Variants in KIAA0319L observed in about 807,000 individuals in gnomAD.
The protein encoded by KIAA0319L is KIAA0319 like, also known as dyslexia-associated protein KIAA0319-like protein.
KIAA0319L carries 55 observed loss-of-function variants against 120.1 expected under a neutral mutation model. The observed-to-expected ratio is 0.46, with a 90% confidence interval of 0.37 to 0.57. KIAA0319L has a LOEUF of 0.57. KIAA0319L is among the 20% of genes least tolerant of loss of function. The pLI is 0.00. For synonymous variants in KIAA0319L, 398 were observed against 471.9 expected (o/e 0.84, Z 2.03); for missense variants, 1,049 against 1,255.3 (o/e 0.84, Z 2.48).
chr1:35,554,312 T>TAA (rs745403032), intron 2 of KIAA0319L, 38 bp downstream of exon 2: 28 of 1,175,020 alleles, frequency 2.4e-5, no homozygotes, highest in South Asian at 1.1e-4. Flanking sequence ...TGCCCTTTTC[T>TAA]AAAAAAAAAA....
In KIAA0319L at chr1:35,450,428, G is replaced by C; in HGVS notation, c.2144C>G (p.Ser715Cys). 6.2e-7 allele frequency: 1 copy of C among 1,614,124 alleles called. No homozygotes were observed. The highest frequency in any genetic ancestry group is 1.1e-5 in the South Asian group (1 of 91,082). The change falls in exon 14 of 21, where the codon TCT (serine) becomes TGT (cysteine). Residue 715 changes from serine to cysteine, a missense_variant. Ser to Cys is a moderately radical substitution (Grantham distance 112). Transcript: ENST00000325722. ...LPTSTAELDG[S>C]KSSDDKGIVS... Reference sequence around the variant, plus strand: ...TATTCCCTTGTCATCTGAGGACTTAGAGCCATCCAGCTCTGCTGTGCTCGT... The same window carrying C: ...TATTCCCTTGTCATCTGAGGACTTACAGCCATCCAGCTCTGCTGTGCTCGT...
At chr1:35,446,916 C>T (rs562490159) in intron 16 of KIAA0319L, among the ~76,000 whole-genome samples, 5 of 152,236 alleles carry the variant, frequency 3.3e-5, no homozygotes, top group East Asian at 3.9e-4. Flanking sequence ...CATCTCCTGA[C>T]GCAGCCAGTA....
rs1052906180 is a variant in KIAA0319L at position 35,434,812 on chromosome 1, A to G, written c.*82T>C. On this transcript the variant is annotated 3_prime_UTR_variant, in exon 21 of 21. Transcript: ENST00000325722. Reference sequence around the variant, plus strand: ...CGAAATGACCAGCAGATGCTGGGACAGCAGCTGCCCGCAGACTCGGGAGGT... The same window carrying G: ...CGAAATGACCAGCAGATGCTGGGACGGCAGCTGCCCGCAGACTCGGGAGGT... 4 of 1,265,572 alleles carry G rather than the reference A, an allele frequency of 3.2e-6. No homozygotes were observed. Among genetic ancestry groups the G allele is most frequent in the Non-Finnish European group, 4.4e-6 (4 of 907,006 alleles). 78.4% of individuals were successfully genotyped at this position (1,265,572 alleles called of 1,614,324 possible). A position where few individuals can be genotyped will look rare whatever the true frequency, so the allele number is the denominator to read the frequency against.
At chr1:35,484,804 A>ATT (rs1446424002) in intron 3 of KIAA0319L, among the ~76,000 whole-genome samples, 160 of 43,616 alleles carry the variant, frequency 3.7e-3, no homozygotes, top group Non-Finnish European at 5.2e-3. Flanking sequence ...ATATATATAT[A>ATT]TATTTTTTTT....
At chr1:35,513,284 ATATATTTTT>A (rs1350479697) in intron 2 of KIAA0319L, among the ~76,000 whole-genome samples, 11 of 103,218 alleles carry the variant, frequency 1.1e-4, no homozygotes, top group African/African-American at 1.6e-4. Flanking sequence ...ATATATATAT[ATATATTTTT>A]TTTTTTTTTT....
intron 2 of KIAA0319L, among the ~76,000 whole-genome samples, chr1:35,530,487 T>C (rs2148466841): frequency 6.6e-6 from 1 of 152,322 alleles, no homozygotes; most frequent in Middle Eastern, 3.4e-3. Flanking sequence ...TCCTAAATTG[T>C]TTTTCTGATT....
intron 11 of KIAA0319L, 147 bp downstream of exon 11, chr1:35,454,215 G>A (rs1249221135): frequency 1.4e-6 from 1 of 728,754 alleles, no homozygotes; most frequent in East Asian, 2.5e-5. Flanking sequence ...AAAGCACAAG[G>A]GGAAGGAACA....
chr1:35,545,317 G>A (rs1248444201), intron 2 of KIAA0319L, among the ~76,000 whole-genome samples: 2 of 152,060 alleles, frequency 1.3e-5, no homozygotes, highest in African/African-American at 4.8e-5. Flanking sequence ...ACACCAGAAA[G>A]GCCTCACCTT....
At chr1:35,497,472 G>A (rs1644853553) in intron 3 of KIAA0319L, among the ~76,000 whole-genome samples, 1 of 152,096 alleles carries the variant, frequency 6.6e-6, no homozygotes, top group Non-Finnish European at 1.5e-5. Context: ...GGGTGAGAGG[G>A]ACAGATTACA....
intron 2 of KIAA0319L, among the ~76,000 whole-genome samples, chr1:35,518,066 T>C (rs1196344827): frequency 6.6e-6 from 1 of 152,124 alleles, no homozygotes; most frequent in Non-Finnish European, 1.5e-5. Flanking sequence ...AGCCAAAAAA[T>C]AACAGATGCT....
At chr1:35,503,643 C>T (rs1645091154) in intron 3 of KIAA0319L, among the ~76,000 whole-genome samples, 1 of 152,046 alleles carries the variant, frequency 6.6e-6, no homozygotes, top group African/African-American at 2.4e-5. Flanking sequence ...TTTTTTAGTA[C>T]AATGGTTCTC....
chr1:35,489,110 G>T (rs775474600), intron 3 of KIAA0319L, among the ~76,000 whole-genome samples: 3 of 152,090 alleles, frequency 2.0e-5, no homozygotes, highest in Admixed American at 1.3e-4. Context: ...GAGCATCTGG[G>T]TCCAAACTTG....
At chr1:35,500,038 C>G (rs1644948489) in intron 3 of KIAA0319L, among the ~76,000 whole-genome samples, 1 of 152,102 alleles carries the variant, frequency 6.6e-6, no homozygotes, top group African/African-American at 2.4e-5. Flanking sequence ...TTTATTTGTT[C>G]CACAGAAAGC....
intron 20 of KIAA0319L, chr1:35,435,511 T>C (rs1210937631): frequency 5.9e-6 from 1 of 168,390 alleles, no homozygotes; most frequent in African/African-American, 2.4e-5. Context: ...GCAAGGCCGC[T>C]GAGTGCTGGC....
At chr1:35,487,529 A>G (rs1314290638) in intron 3 of KIAA0319L, among the ~76,000 whole-genome samples, 1 of 152,196 alleles carries the variant, frequency 6.6e-6, no homozygotes, top group Admixed American at 6.5e-5. Flanking sequence ...TGCTGGCGTA[A>G]GGCACCACGC....
intron 17 of KIAA0319L, among the ~76,000 whole-genome samples, chr1:35,443,529 G>A (rs1207923833): frequency 6.6e-6 from 1 of 152,026 alleles, no homozygotes; most frequent in Non-Finnish European, 1.5e-5. Context: ...AAAATCAGCT[G>A]GGCGTGGTGG....
intron 20 of KIAA0319L, chr1:35,440,224 T>G (rs1641100516): frequency 6.6e-6 from 1 of 152,250 alleles, no homozygotes; most frequent in Non-Finnish European, 1.5e-5. Flanking sequence ...TGTTCTCTTC[T>G]GCTACTGTGT....
At chr1:35,526,958 G>T (rs1008968270) in intron 2 of KIAA0319L, among the ~76,000 whole-genome samples, 2 of 152,158 alleles carry the variant, frequency 1.3e-5, no homozygotes, top group African/African-American at 4.8e-5. Context: ...TGCACCTATA[G>T]TCCCAGCTAC....
At chr1:35,442,173 T>C in intron 19 of KIAA0319L, 73 bp downstream of exon 19, 2 of 1,151,754 alleles carry the variant, frequency 1.7e-6, no homozygotes, top group Non-Finnish European at 2.6e-6. Flanking sequence ...ACGTGGAAGG[T>C]GCCAAATACC....
Sources: gnomAD v4.1 joint callset for allele counts (sites outside exome capture counted in the v4.1 genomes callset) on GRCh38, gnomAD v4.1.1 for gene constraint, MANE v1.5 for transcripts, NCBI Gene and HGNC (gene_info 2026-07-23, HGNC 2026-07-21) for gene names.